The following GPHN variants were observed in gnomAD, a reference collection of about 807,000 sequenced individuals.
GPHN encodes the protein gephyrin.
GPHN carries 17 observed loss-of-function variants against 95.5 expected under a neutral mutation model. The ratio of observed to expected loss-of-function variants is 0.18; its 90% CI spans 0.12 to 0.27. The LOEUF (loss-of-function observed/expected upper bound fraction) is 0.27, where lower values mean the gene tolerates loss of function less well. Among genes scored for constraint, GPHN ranks in the 10% least tolerant of loss-of-function variants. The pLI is 1.00. For synonymous variants in GPHN, 320 were observed against 322.5 expected (o/e 0.99, Z 0.08); for missense variants, 660 against 978.1 (o/e 0.67, Z 4.34).
At chr14:66,564,203 C>G (rs927887288) in intron 1 of GPHN, among the ~76,000 whole-genome samples, 1 of 151,900 alleles carries the variant, frequency 6.6e-6, no homozygotes, top group Non-Finnish European at 1.5e-5. Context: ...ATTTTATGGA[C>G]TAGTAAAATG....
chr14:66,574,749 C>T (rs765146020), intron 1 of GPHN, among the ~76,000 whole-genome samples: 10 of 152,154 alleles, frequency 6.6e-5, no homozygotes, highest in Admixed American at 5.2e-4. Context: ...ATCATCCTAT[C>T]GACCATGGGC....
chr14:66,759,765 T>C (rs531538298), intron 2 of GPHN, among the ~76,000 whole-genome samples: 4 of 152,312 alleles, frequency 2.6e-5, no homozygotes, highest in African/African-American at 9.6e-5. Context: ...GATCATATGG[T>C]GAAGTTGTTA....
chr14:67,323,198 T>G, the GPHN span, among the ~76,000 whole-genome samples: 1 of 149,108 alleles, frequency 6.7e-6, no homozygotes, highest in Non-Finnish European at 1.5e-5. Flanking sequence ...ATGTATTATA[T>G]GTGTATATAT....
At chr14:66,845,684 G>A (rs532596014) in intron 4 of GPHN, among the ~76,000 whole-genome samples, 1 of 152,268 alleles carries the variant, frequency 6.6e-6, no homozygotes, top group Admixed American at 6.5e-5. Flanking sequence ...TTTCAATCCA[G>A]AGATCCTTCA....
chr14:66,735,529 T>C (rs560124286), intron 2 of GPHN, among the ~76,000 whole-genome samples: 7 of 152,310 alleles, frequency 4.6e-5, no homozygotes, highest in African/African-American at 1.7e-4. Context: ...TTGTATCTAT[T>C]ATTTAACAGC....
At chr14:66,965,154 T>A in intron 8 of GPHN, 37 bp from the exon 9 acceptor site, 2 of 1,583,496 alleles carry the variant, frequency 1.3e-6, no homozygotes, top group East Asian at 4.5e-5. Flanking sequence ...TATTGACATT[T>A]TCAGAATATT....
chr14:66,760,120 T>A (rs1460425461), intron 2 of GPHN, among the ~76,000 whole-genome samples: 1 of 152,186 alleles, frequency 6.6e-6, no homozygotes, highest in African/African-American at 2.4e-5. Flanking sequence ...ATTCATTTAC[T>A]ACCCATTTCC....
chr14:67,448,484 G>C, the GPHN span, among the ~76,000 whole-genome samples: 1 of 152,128 alleles, frequency 6.6e-6, no homozygotes, highest in African/African-American at 2.4e-5. Flanking sequence ...GATTGGAGCA[G>C]CTTAAATTTG....
intron 1 of GPHN, among the ~76,000 whole-genome samples, chr14:66,510,033 G>A (rs927313607): frequency 6.6e-6 from 1 of 152,106 alleles, no homozygotes; most frequent in Non-Finnish European, 1.5e-5. Flanking sequence ...AAGACCCTTG[G>A]ATAGAGAAAC....
the GPHN span, among the ~76,000 whole-genome samples, chr14:67,476,041 G>A: frequency 2.4e-3 from 369 of 152,338 alleles, 1 homozygote; most frequent in African/African-American, 8.4e-3. Flanking sequence ...AGAATGGGAA[G>A]GTAGGGCTTG....
intron 17 of GPHN, among the ~76,000 whole-genome samples, chr14:67,132,543 T>C (rs1202985114): frequency 6.6e-6 from 1 of 152,128 alleles, no homozygotes; most frequent in Non-Finnish European, 1.5e-5. Flanking sequence ...GTTTCTCATT[T>C]TCTATTGGTT....
At chr14:66,565,039 A>G (rs1303306836) in intron 1 of GPHN, among the ~76,000 whole-genome samples, 3 of 152,108 alleles carry the variant, frequency 2.0e-5, no homozygotes, top group Non-Finnish European at 4.4e-5. Context: ...AGTTTCCACC[A>G]AGCTATGATA....
the GPHN span, among the ~76,000 whole-genome samples, chr14:67,309,411 TAAG>T: frequency 6.6e-6 from 1 of 152,338 alleles, no homozygotes; most frequent in South Asian, 2.1e-4. Flanking sequence ...GAAAAATTAA[TAAG>T]AGCCTTTTCC....
At chr14:67,703,300 A>G in the GPHN span, among the ~76,000 whole-genome samples, 1 of 152,220 alleles carries the variant, frequency 6.6e-6, no homozygotes, top group African/African-American at 2.4e-5. Context: ...TTTTTGGGTA[A>G]GGTAGTTCGA....
At chr14:66,658,817 G>T (rs185733937) in intron 1 of GPHN, among the ~76,000 whole-genome samples, 1 of 151,710 alleles carries the variant, frequency 6.6e-6, no homozygotes, top group African/African-American at 2.4e-5. Context: ...TGAACATGCA[G>T]TACCTCCAAG....
At chr14:66,706,019 A>G (rs184779817) in intron 2 of GPHN, among the ~76,000 whole-genome samples, 2 of 152,294 alleles carry the variant, frequency 1.3e-5, no homozygotes, top group East Asian at 1.9e-4. Flanking sequence ...TACACCATCA[A>G]TATACAAGCA....
chr14:67,561,832 T>G, the GPHN span: 1 of 715,514 alleles, frequency 1.4e-6, no homozygotes, highest in East Asian at 2.8e-5. Flanking sequence ...ATTGCTCCAC[T>G]GCAATTCAGT....
chr14:67,505,425 G>T, the GPHN span, among the ~76,000 whole-genome samples: 1 of 152,184 alleles, frequency 6.6e-6, no homozygotes, highest in Non-Finnish European at 1.5e-5. Flanking sequence ...CATCCAAAGG[G>T]TGGGACACAC....
At chr14:66,932,024 A>G (rs1244093616) in intron 8 of GPHN, among the ~76,000 whole-genome samples, 1 of 152,204 alleles carries the variant, frequency 6.6e-6, no homozygotes, top group African/African-American at 2.4e-5. Flanking sequence ...AAAGGGAATT[A>G]AATGTTGTGA....
Sources: gnomAD v4.1 joint callset for allele counts (sites outside exome capture counted in the v4.1 genomes callset) on GRCh38, gnomAD v4.1.1 for gene constraint, MANE v1.5 for transcripts, NCBI Gene and HGNC (gene_info 2026-07-23, HGNC 2026-07-21) for gene names.